The following CNTN5 variants were observed in gnomAD, a reference collection of about 807,000 sequenced individuals.
CNTN5 encodes the protein contactin 5, also known as contactin-5.
In CNTN5, 77 loss-of-function variants were observed where a neutral mutation model predicts 129.1. That is an observed-to-expected ratio of 0.60 (90% CI 0.50 to 0.72). The LOEUF is 0.72. Among genes scored for constraint, CNTN5 ranks in the 30% least tolerant of loss-of-function variants. The pLI, the probability that CNTN5 is intolerant of heterozygous loss-of-function variation, is 0.00. For missense variants in CNTN5, 1,478 were observed against 1,328.8 expected (o/e 1.11, Z -1.75); for synonymous variants, 509 against 465.6 (o/e 1.09, Z -1.20).
At chr11:99,800,596 T>C (rs55808824) in intron 3 of CNTN5, among the ~76,000 whole-genome samples, 24 of 152,262 alleles carry the variant, frequency 1.6e-4, no homozygotes, top group Non-Finnish European at 2.9e-4. Context: ...GGTCTAAAAG[T>C]ACTTCTTTTA....
chr11:99,268,663 A>C (rs1476573716), intron 1 of CNTN5, among the ~76,000 whole-genome samples: 1 of 151,978 alleles, frequency 6.6e-6, no homozygotes. Flanking sequence ...TAATTGGATC[A>C]ACACACATCA....
chr11:99,899,379 A>T (rs1027860467), intron 6 of CNTN5, among the ~76,000 whole-genome samples: 2 of 151,888 alleles, frequency 1.3e-5, no homozygotes, highest in Non-Finnish European at 2.9e-5. Flanking sequence ...CATGGCTCTT[A>T]TTATTTTGAA....
chr11:100,215,268 G>C (rs1949114644), intron 15 of CNTN5, among the ~76,000 whole-genome samples: 1 of 152,042 alleles, frequency 6.6e-6, no homozygotes, highest in African/African-American at 2.4e-5. Flanking sequence ...TTATGATCCA[G>C]CCATAGGATT....
At chr11:99,073,350 A>C in intron 1 of CNTN5, among the ~76,000 whole-genome samples, 1 of 128,888 alleles carries the variant, frequency 7.8e-6, no homozygotes, top group African/African-American at 2.9e-5. Context: ...GTTATATTTG[A>C]CTGGTATGTC....
chr11:99,076,773 A>G (rs1349142014), intron 1 of CNTN5, among the ~76,000 whole-genome samples: 3 of 152,178 alleles, frequency 2.0e-5, no homozygotes, highest in African/African-American at 7.2e-5. Flanking sequence ...TGGAAAATCA[A>G]TCTTATTTGT....
At chr11:99,999,974 A>T (rs1939751896) in intron 8 of CNTN5, among the ~76,000 whole-genome samples, 2 of 146,026 alleles carry the variant, frequency 1.4e-5, no homozygotes, top group South Asian at 4.4e-4. Flanking sequence ...ACATGGACAC[A>T]GGAAGGGGAA....
At chr11:99,096,535 G>A (rs1012057113) in intron 1 of CNTN5, among the ~76,000 whole-genome samples, 3 of 151,738 alleles carry the variant, frequency 2.0e-5, no homozygotes, top group African/African-American at 4.8e-5. Flanking sequence ...GTTTTCATAG[G>A]TTTTATTTTA....
intron 8 of CNTN5, among the ~76,000 whole-genome samples, chr11:99,968,141 A>C (rs1951145734): frequency 6.6e-6 from 1 of 152,182 alleles, no homozygotes; most frequent in South Asian, 2.1e-4. Context: ...ACAAGATCTC[A>C]CTACTTCCTA....
At position 99,610,662 on chromosome 11, in the gene CNTN5, T is replaced by C. The variant is rs12577944; in HGVS notation, c.55+54393T>C. On this transcript the variant is annotated intron_variant, in intron 3 of 24. Transcript: ENST00000524871. ...ACTACAAGGGAACATGTGAAGAACA[T>C]GTGATATTAAACCGAGCAGGGATTC... is the stretch of plus-strand genomic sequence containing the variant. Among the ~76,000 whole-genome samples, 773 of 152,162 alleles carry C rather than the reference T, an allele frequency of 5.1e-3. 22 individuals are homozygous for C. In the East Asian group the frequency reaches 0.091, roughly 18 times the overall value.
chr11:99,483,638 C>A (rs1289422808), intron 2 of CNTN5, among the ~76,000 whole-genome samples: 4 of 152,056 alleles, frequency 2.6e-5, no homozygotes, highest in Admixed American at 6.6e-5. Context: ...ACCACCTGAC[C>A]ATCACCTGAT....
At position 100,224,648 on chromosome 11, in the gene CNTN5, G is replaced by T. The variant is rs1367888327; in HGVS notation, c.1885-44G>T. On this transcript the variant is annotated intron_variant, in intron 15 of 24. Coordinates refer to ENST00000524871, the MANE Select transcript of CNTN5 (RefSeq NM_014361.4). Reference sequence around the variant, plus strand: ...TCCCCCTTAAGCCACCTTGAACTAGGCAGATTTGCAACATTTTAAACTGGC... The same window carrying T: ...TCCCCCTTAAGCCACCTTGAACTAGTCAGATTTGCAACATTTTAAACTGGC... 3 of 1,582,078 alleles carry T rather than the reference G, an allele frequency of 1.9e-6. No individual in the cohort carries two copies. In the Admixed American group the frequency reaches 5.1e-5, roughly 27 times the overall value.
chr11:99,210,136 C>T (rs1859692606), intron 1 of CNTN5, among the ~76,000 whole-genome samples: 1 of 152,084 alleles, frequency 6.6e-6, no homozygotes, highest in African/African-American at 2.4e-5. Flanking sequence ...ATTATTGAGC[C>T]TACTAACCAC....
intron 2 of CNTN5, among the ~76,000 whole-genome samples, chr11:99,498,443 A>G (rs1161974001): frequency 6.6e-6 from 1 of 152,092 alleles, no homozygotes; most frequent in Non-Finnish European, 1.5e-5. Context: ...ATTCTAATTC[A>G]TTCTACAAAA....
intron 8 of CNTN5, among the ~76,000 whole-genome samples, chr11:99,962,239 T>C (rs565703970): frequency 7.0e-4 from 107 of 152,220 alleles, no homozygotes; most frequent in Non-Finnish European, 1.0e-3. Flanking sequence ...ACATGTGCCA[T>C]GTTGGTGTGC....
intron 3 of CNTN5, among the ~76,000 whole-genome samples, chr11:99,600,968 T>C (rs1950294624): frequency 6.6e-6 from 1 of 152,226 alleles, no homozygotes; most frequent in African/African-American, 2.4e-5. Flanking sequence ...CTACTGCAAA[T>C]GTAATTGGCT....
At chr11:99,577,357 G>T (rs1591304266) in intron 3 of CNTN5, among the ~76,000 whole-genome samples, 1 of 152,168 alleles carries the variant, frequency 6.6e-6, no homozygotes, top group East Asian at 1.9e-4. Flanking sequence ...CTCTAAATGG[G>T]CTCTTCACAT....
intron 3 of CNTN5, among the ~76,000 whole-genome samples, chr11:99,587,796 T>A (rs1487968349): frequency 6.6e-6 from 1 of 152,194 alleles, no homozygotes; most frequent in Non-Finnish European, 1.5e-5. Context: ...CAAAACACTT[T>A]GAAGGATTAT....
chr11:100,299,877 C>A (rs948406173), intron 20 of CNTN5, among the ~76,000 whole-genome samples: 2 of 151,478 alleles, frequency 1.3e-5, no homozygotes, highest in East Asian at 3.9e-4. Context: ...CCTTTTCAAA[C>A]ACATCATTAA....
chr11:99,980,307 T>A (rs1938251856), intron 8 of CNTN5, among the ~76,000 whole-genome samples: 1 of 152,216 alleles, frequency 6.6e-6, no homozygotes, highest in African/African-American at 2.4e-5. Flanking sequence ...ATAATGAAAT[T>A]GCTTGCTTCC....
Sources: allele counts gnomAD v4.1 joint callset (sites outside exome capture counted in the v4.1 genomes callset), GRCh38; gene constraint gnomAD v4.1.1; transcripts MANE v1.5; gene names NCBI Gene and HGNC (gene_info 2026-07-23, HGNC 2026-07-21).